MYO1E: variants seen among roughly 807,000 people sequenced by gnomAD.
MYO1E encodes myosin IE.
Under a neutral mutation model 151.1 loss-of-function variants are expected in MYO1E, and 68 were observed. That is an observed-to-expected ratio of 0.45 (90% CI 0.37 to 0.55). The LOEUF is 0.55. Among genes scored for constraint, MYO1E ranks in the 20% least tolerant of loss-of-function variants. The pLI, the probability that MYO1E is intolerant of heterozygous loss-of-function variation, is 0.00. For synonymous variants in MYO1E, 601 were observed against 501.7 expected (o/e 1.20, Z -2.64); for missense variants, 1,363 against 1,389.3 (o/e 0.98, Z 0.30).
At chr15:59,254,939 C>T (rs559423709) in intron 4 of MYO1E, among the ~76,000 whole-genome samples, 1 of 152,172 alleles carries the variant, frequency 6.6e-6, no homozygotes, top group South Asian at 2.1e-4. Flanking sequence ...GATTCTCCTG[C>T]CTCAGCCTCC....
chr15:59,145,341 A>G (rs528216004), intron 26 of MYO1E, among the ~76,000 whole-genome samples: 1 of 152,370 alleles, frequency 6.6e-6, no homozygotes, highest in East Asian at 1.9e-4. Flanking sequence ...TAGAACTTTC[A>G]GGAATTTTGT....
chr15:59,286,568 G>C (rs1478842701), intron 1 of MYO1E, among the ~76,000 whole-genome samples: 1 of 152,120 alleles, frequency 6.6e-6, no homozygotes, highest in Non-Finnish European at 1.5e-5. Context: ...AGCGGGGGAA[G>C]GGTCTGGATG....
intron 22 of MYO1E, among the ~76,000 whole-genome samples, chr15:59,169,264 C>A (rs2079578485): frequency 6.6e-6 from 1 of 152,244 alleles, no homozygotes. Context: ...CTTAAAAACA[C>A]ATACAGATGT....
At chr15:59,157,842 C>G (rs1213274727) in intron 25 of MYO1E, among the ~76,000 whole-genome samples, 1 of 152,226 alleles carries the variant, frequency 6.6e-6, no homozygotes, top group African/African-American at 2.4e-5. Flanking sequence ...CAAGCCCCCA[C>G]TGGGCGTCTT....
intron 1 of MYO1E, among the ~76,000 whole-genome samples, chr15:59,351,388 T>C (rs1228521277): frequency 3.3e-5 from 5 of 152,222 alleles, no homozygotes; most frequent in Non-Finnish European, 7.3e-5. Context: ...TAGGAGCTAA[T>C]AGCAGGAACA....
intron 19 of MYO1E, among the ~76,000 whole-genome samples, chr15:59,176,014 A>C (rs2079622575): frequency 6.6e-6 from 1 of 152,078 alleles, no homozygotes; most frequent in South Asian, 2.1e-4. Flanking sequence ...GATACATTTA[A>C]CAAAACAAAA....
chr15:59,276,065 A>G, intron 1 of MYO1E, among the ~76,000 whole-genome samples: 1 of 152,080 alleles, frequency 6.6e-6, no homozygotes, highest in Non-Finnish European at 1.5e-5. Context: ...ACCGCCCTAG[A>G]ATTGTGAGAA....
intron 1 of MYO1E, among the ~76,000 whole-genome samples, chr15:59,321,556 T>C (rs1299602372): frequency 1.3e-5 from 2 of 152,150 alleles, no homozygotes; most frequent in Non-Finnish European, 1.5e-5. Flanking sequence ...CTGGGGGCTA[T>C]TATCATAAGC....
chr15:59,323,902 G>A (rs1402050664), intron 1 of MYO1E, among the ~76,000 whole-genome samples: 1 of 151,916 alleles, frequency 6.6e-6, no homozygotes, highest in Non-Finnish European at 1.5e-5. Flanking sequence ...TGTGTGTTCT[G>A]AGTTTGAAGC....
rs528359750 is a variant in MYO1E at position 59,372,592 on chromosome 15, G to C, written c.-92C>G. ...TCTTCTGGGCGAACTTCAAAAGTTG[G>C]TTCCCCTCGCCAAAAACAGGCTCCC... On this transcript the variant is annotated 5_prime_UTR_variant, in exon 1 of 28. Coordinates refer to ENST00000288235, the MANE Select transcript of MYO1E (RefSeq NM_004998.4). The C allele has an allele frequency of 4.0e-6, 6 of 1,485,136 alleles. No individual in the cohort carries two copies. The East Asian group carries it at 7.6e-5, about 19-fold the overall frequency. 92.0% of individuals were successfully genotyped at this position (1,485,136 alleles called of 1,614,324 possible). A position where few individuals can be genotyped will look rare whatever the true frequency, so the allele number is the denominator to read the frequency against.
At chr15:59,190,345 C>G (rs1316858752) in intron 17 of MYO1E, among the ~76,000 whole-genome samples, 1 of 152,156 alleles carries the variant, frequency 6.6e-6, no homozygotes, top group East Asian at 1.9e-4. Context: ...ATGCGCTCAG[C>G]AAAATGGGCC....
chr15:59,366,660 G>A (rs530055296), intron 1 of MYO1E, among the ~76,000 whole-genome samples: 1 of 152,030 alleles, frequency 6.6e-6, no homozygotes, highest in Non-Finnish European at 1.5e-5. Context: ...ATGTCACTAT[G>A]TTAGGGCTGG....
intron 26 of MYO1E, among the ~76,000 whole-genome samples, chr15:59,140,612 G>C (rs370218737): frequency 1.3e-3 from 199 of 152,208 alleles, no homozygotes; most frequent in Non-Finnish European, 2.3e-3. Flanking sequence ...TGGGGCCTGA[G>C]TTCTGGAAAG....
At chr15:59,217,060 G>C (rs1236544327) in intron 10 of MYO1E, among the ~76,000 whole-genome samples, 3 of 152,138 alleles carry the variant, frequency 2.0e-5, no homozygotes, top group Admixed American at 6.5e-5. Context: ...CTTTCAGCCA[G>C]ATCCTCCAAC....
chr15:59,287,997 A>G (rs183825532), intron 1 of MYO1E, among the ~76,000 whole-genome samples: 11 of 152,388 alleles, frequency 7.2e-5, no homozygotes, highest in Admixed American at 6.5e-4. Context: ...GAAGGCGCTC[A>G]GCGAGCCTGC....
At chr15:59,233,595 CAG>C (rs2080041718) in intron 5 of MYO1E, among the ~76,000 whole-genome samples, 1 of 140,368 alleles carries the variant, frequency 7.1e-6, no homozygotes. Context: ...ACCCAGAAGA[CAG>C]AGGTTGCAGT....
intron 1 of MYO1E, among the ~76,000 whole-genome samples, chr15:59,321,211 G>A (rs2140416843): frequency 6.6e-6 from 1 of 152,332 alleles, no homozygotes; most frequent in Middle Eastern, 3.4e-3. Flanking sequence ...GGAGAAAAGA[G>A]AACAATTACA....
chr15:59,258,731 T>C (rs929904017), intron 3 of MYO1E, among the ~76,000 whole-genome samples: 1 of 152,088 alleles, frequency 6.6e-6, no homozygotes, highest in African/African-American at 2.4e-5. Flanking sequence ...TGTGTGCCTG[T>C]AGTCCCAGCT....
intron 21 of MYO1E, among the ~76,000 whole-genome samples, chr15:59,173,390 ATAACT>A (rs1402084933): frequency 2.0e-5 from 3 of 152,270 alleles, no homozygotes; most frequent in African/African-American, 4.8e-5. Flanking sequence ...GCCATGTAAA[ATAACT>A]TATATTGCTA....
Sources: gnomAD v4.1 joint callset for allele counts (sites outside exome capture counted in the v4.1 genomes callset) on GRCh38, gnomAD v4.1.1 for gene constraint, MANE v1.5 for transcripts, NCBI Gene and HGNC (gene_info 2026-07-23, HGNC 2026-07-21) for gene names.